Variants in CPQ observed in about 807,000 individuals in gnomAD.
CPQ encodes carboxypeptidase Q.
A neutral mutation model predicts 45.7 loss-of-function variants in CPQ; 37 were observed. The observed-to-expected ratio is 0.81, with a 90% CI of 0.62 to 1.07. The LOEUF (loss-of-function observed/expected upper bound fraction) is 1.07. Ranked by LOEUF, CPQ falls within the 50% of genes least tolerant of loss-of-function variation. The pLI, the probability that CPQ is intolerant of heterozygous loss-of-function variation, is 0.00. For missense variants in CPQ, 537 were observed against 572.9 expected (o/e 0.94, Z 0.64); for synonymous variants, 186 against 205.8 (o/e 0.90, Z 0.82).
chr8:97,024,234 T>C (rs957476975), intron 5 of CPQ, among the ~76,000 whole-genome samples: 13 of 152,182 alleles, frequency 8.5e-5, no homozygotes, highest in African/African-American at 3.1e-4. Context: ...CCTGACCCAA[T>C]AGATCTCTCA....
At chr8:96,818,505 A>G (rs865988643) in intron 2 of CPQ, among the ~76,000 whole-genome samples, 1 of 152,088 alleles carries the variant, frequency 6.6e-6, no homozygotes, top group Admixed American at 6.6e-5. Context: ...TGGGGTTGCA[A>G]CAAACTCGAT....
At position 96,835,177 on chromosome 8, in the gene CPQ, A is replaced by G. The variant is rs1026348924; in HGVS notation, c.638A>G (p.Tyr213Cys). Residue 213 changes from tyrosine (Y) to cysteine (C), a missense_variant, in exon 3 of 8, where the codon TAC (tyrosine) becomes TGC (cysteine). Physicochemically the swap from Tyr to Cys is radical, Grantham distance 194. Coordinates refer to ENST00000220763, the MANE Select transcript of CPQ (RefSeq NM_016134.4). ...CGATCCGTGGCCTCCTTCTCCATCT[A>G]CAGGTTTGTCACAATGTTCATTTGA... is the stretch of plus-strand genomic sequence containing the variant. ...LIRSVASFSI[Y>C]SPHTGIQEYQ... is the part of the protein sequence containing the mutation. 2.7e-6 allele frequency: 4 copies of G among 1,477,286 alleles called. No individual in the cohort carries two copies. Among genetic ancestry groups the G allele is most frequent in the Non-Finnish European group, 2.7e-6 (3 of 1,107,618 alleles). 91.5% of individuals were successfully genotyped at this position (1,477,286 alleles called of 1,614,324 possible). A position where few individuals can be genotyped will look rare whatever the true frequency, so the allele number is the denominator to read the frequency against.
intron 1 of CPQ, among the ~76,000 whole-genome samples, chr8:96,723,414 G>A (rs1392153728): frequency 6.6e-6 from 1 of 152,168 alleles, no homozygotes; most frequent in Non-Finnish European, 1.5e-5. Context: ...TTGTTATTTA[G>A]AGTGGTGGTT....
chr8:96,880,278 T>G (rs1190727535), intron 4 of CPQ, among the ~76,000 whole-genome samples: 20 of 152,082 alleles, frequency 1.3e-4, no homozygotes, highest in Admixed American at 1.3e-3. Context: ...TTGGAGGGAC[T>G]GTAAATTACT....
intron 4 of CPQ, among the ~76,000 whole-genome samples, chr8:96,955,958 G>C (rs1813350435): frequency 6.6e-6 from 1 of 152,138 alleles, no homozygotes; most frequent in Admixed American, 6.5e-5. Context: ...CAGGACATAG[G>C]CATGGGCAAG....
At chr8:96,672,997 G>C (rs1809027128) in intron 1 of CPQ, among the ~76,000 whole-genome samples, 1 of 152,102 alleles carries the variant, frequency 6.6e-6, no homozygotes, top group Non-Finnish European at 1.5e-5. Context: ...CTGGGTAAGA[G>C]TGTGCCAGGC....
At chr8:96,813,745 G>A (rs1160523610) in intron 2 of CPQ, among the ~76,000 whole-genome samples, 1 of 152,050 alleles carries the variant, frequency 6.6e-6, no homozygotes, top group African/African-American at 2.4e-5. Context: ...GACTCATAAC[G>A]CCTGGTATAT....
chr8:96,988,833 A>G (rs1261913570), intron 5 of CPQ, among the ~76,000 whole-genome samples: 1 of 152,200 alleles, frequency 6.6e-6, no homozygotes, highest in Non-Finnish European at 1.5e-5. Flanking sequence ...AGATTCTTAA[A>G]TGCTTTCCCT....
chr8:96,964,337 A>AGAG (rs1421896344), intron 4 of CPQ, among the ~76,000 whole-genome samples: 1 of 152,098 alleles, frequency 6.6e-6, no homozygotes, highest in Non-Finnish European at 1.5e-5. Flanking sequence ...GCAATGTACA[A>AGAG]GAGTTCCAGT....
rs182848201 is a variant in CPQ at position 96,868,912 on chromosome 8, C to T, written c.642-10886C>T. Among the ~76,000 whole-genome samples, 19 of 151,890 alleles carry T rather than the reference C, an allele frequency of 1.3e-4. No individual in the cohort carries two copies. In the East Asian group the frequency reaches 3.1e-3, roughly 25 times the overall value. On this transcript the variant is annotated intron_variant, in intron 3 of 7. Coordinates refer to ENST00000220763, the MANE Select transcript of CPQ (RefSeq NM_016134.4). The stretch of plus-strand genomic sequence containing the variant: ...TTATTACTGGTTTTTTAGTTTGCTG[C>T]AATTTTTTTGAAATTCTGTTGGAAT...
intron 2 of CPQ, among the ~76,000 whole-genome samples, chr8:96,794,392 C>G (rs2130817289): frequency 6.6e-6 from 1 of 152,270 alleles, no homozygotes; most frequent in East Asian, 1.9e-4. Context: ...ACTAGAGCGA[C>G]TGGAACGCAG....
chr8:96,963,333 G>A (rs920412377), intron 4 of CPQ, among the ~76,000 whole-genome samples: 1 of 152,210 alleles, frequency 6.6e-6, no homozygotes, highest in Non-Finnish European at 1.5e-5. Context: ...TGAATCAGAA[G>A]TTCCTGCTAT....
intron 6 of CPQ, among the ~76,000 whole-genome samples, chr8:97,050,316 A>G (rs958735980): frequency 6.6e-6 from 1 of 152,212 alleles, no homozygotes; most frequent in Non-Finnish European, 1.5e-5. Flanking sequence ...TGTAAAATAC[A>G]TTATCCAGGG....
rs1810595011 is a variant in CPQ at position 97,063,949 on chromosome 8, G to A, written c.1054-2060G>A. 2.6e-5 allele frequency among the ~76,000 whole-genome samples: 4 copies of A among 152,024 alleles called. No homozygotes were observed. In the South Asian group the frequency reaches 8.3e-4, roughly 32 times the overall value. Reference sequence around the variant, plus strand: ...GCTTAGGATTGCCTTGGCTATTTGGGCTATTTTGGGGTTCCATATGAATTT... The same window carrying A: ...GCTTAGGATTGCCTTGGCTATTTGGACTATTTTGGGGTTCCATATGAATTT... On this transcript the variant is annotated intron_variant, in intron 6 of 7. Coordinates refer to ENST00000220763, the MANE Select transcript of CPQ (RefSeq NM_016134.4).
intron 3 of CPQ, among the ~76,000 whole-genome samples, chr8:96,861,877 G>C (rs1811931010): frequency 6.6e-6 from 1 of 152,052 alleles, no homozygotes; most frequent in Non-Finnish European, 1.5e-5. Flanking sequence ...TGGGCACTCA[G>C]GAAGAAAAGC....
chr8:97,068,265 T>A (rs1431742519), intron 7 of CPQ, among the ~76,000 whole-genome samples: 1 of 152,178 alleles, frequency 6.6e-6, no homozygotes, highest in East Asian at 1.9e-4. Context: ...TTGCCATGGT[T>A]TAAGATGAGG....
At chr8:97,118,618 T>C (rs1451964280) in intron 7 of CPQ, among the ~76,000 whole-genome samples, 1 of 152,168 alleles carries the variant, frequency 6.6e-6, no homozygotes, top group Admixed American at 6.6e-5. Context: ...CATGTACAAA[T>C]GTCACATTCT....
intron 6 of CPQ, among the ~76,000 whole-genome samples, chr8:97,046,387 GT>G (rs1810256607): frequency 6.6e-6 from 1 of 151,692 alleles, no homozygotes. Flanking sequence ...TGTCTAAACT[GT>G]TTTGGTTTCA....
Position 97,099,567 on chromosome 8 carries a change from C to T in CPQ, c.1255+33357C>T, listed in dbSNP as rs555298936. On this transcript the variant is annotated intron_variant, in intron 7 of 7. Transcript: ENST00000220763. ...ATATGTGTGTTTTTTTTTTTTCTGA[C>T]TACGTGGTTTCTCCTAGTGCTAAAT... is the stretch of plus-strand genomic sequence containing the variant. Among the ~76,000 whole-genome samples the T allele has an allele frequency of 4.0e-5, 6 of 150,350 alleles. No individual in the cohort carries two copies. The South Asian group carries it at 6.3e-4, about 16-fold the overall frequency.
Sources: allele counts gnomAD v4.1 joint callset (sites outside exome capture counted in the v4.1 genomes callset), GRCh38; gene constraint gnomAD v4.1.1; transcripts MANE v1.5; gene names NCBI Gene and HGNC (gene_info 2026-07-23, HGNC 2026-07-21).